Variants in FAM111B observed in about 807,000 individuals in gnomAD.
FAM111B encodes the protein serine protease FAM111B.
In FAM111B, 1 loss-of-function variant was observed where a neutral mutation model predicts 2.8. The observed-to-expected ratio is 0.36, with a 90% CI of 0.13 to 1.70. FAM111B has a LOEUF of 1.70. FAM111B is among the 40% of genes most tolerant of loss of function. The probability of loss-of-function intolerance (pLI) is 0.35; values close to 1 mark genes in which losing one functional copy is unlikely to be tolerated. For synonymous variants in FAM111B, 297 were observed against 295.6 expected (o/e 1.00, Z -0.05); for missense variants, 882 against 878.9 (o/e 1.00, Z -0.04).
chr11:59,123,540 A>G (rs183374104), intron 3 of FAM111B, among the ~76,000 whole-genome samples: 119 of 152,338 alleles, frequency 7.8e-4, no homozygotes, highest in African/African-American at 2.7e-3. Flanking sequence ...ATGTGCACAC[A>G]AAAATGTTAT....
rs1392919490 is a variant in FAM111B at position 59,115,584 on chromosome 11, C to T, written c.81+5878C>T. Among the ~76,000 whole-genome samples, 5 of 152,180 alleles carry T rather than the reference C, an allele frequency of 3.3e-5. 1 individual carries two copies. The South Asian group carries it at 8.3e-4, about 25-fold the overall frequency. On this transcript the variant is annotated intron_variant, in intron 3 of 3. Transcript: ENST00000343597. Reference sequence around the variant, plus strand: ...TGGAGTGAGAGTTCTCCAGATGGCTCCCCAAGGAGAGGTCTTTTTGCTGTT... The same window carrying T: ...TGGAGTGAGAGTTCTCCAGATGGCTTCCCAAGGAGAGGTCTTTTTGCTGTT...
At chr11:59,122,882 C>T (rs535681743) in intron 3 of FAM111B, among the ~76,000 whole-genome samples, 120 of 152,238 alleles carry the variant, frequency 7.9e-4, no homozygotes, top group African/African-American at 2.8e-3. Context: ...TGATCCAAGC[C>T]GAGCTGTACC....
At chr11:59,123,924 G>A (rs1280035009) in intron 3 of FAM111B, among the ~76,000 whole-genome samples, 1 of 152,026 alleles carries the variant, frequency 6.6e-6, no homozygotes, top group Non-Finnish European at 1.5e-5. Context: ...TAAGACCCTT[G>A]TTGAAAATCA....
intron 3 of FAM111B, 159 bp downstream of exon 3, chr11:59,109,865 G>A: frequency 4.8e-6 from 2 of 418,514 alleles, no homozygotes; most frequent in Non-Finnish European, 8.5e-6. Context: ...AGTGCTTGTG[G>A]AAAGCAAAAT....
In FAM111B at chr11:59,126,133, C is replaced by T. The variant is rs779014063; in HGVS notation, c.2036C>T (p.Ala679Val). 2 of 1,612,778 alleles carry T rather than the reference C, an allele frequency of 1.2e-6. No individual in the cohort carries two copies. Among genetic ancestry groups the T allele is most frequent in the Non-Finnish European group, 1.7e-6 (2 of 1,179,544 alleles). ...TATCAACGAGGATTTAATGTGCATG[C>T]CCTTATTGAATTTGGTTATTCTATG... ...LFYQRGFNVH[A>V]LIEFGYSMDS... The change falls in exon 4 of 4, where the codon GCC (alanine) becomes GTC (valine). Residue 679 changes from alanine (A) to valine (V), a missense_variant. Transcript: ENST00000343597.
At chr11:59,123,741 T>C (rs951961116) in intron 3 of FAM111B, among the ~76,000 whole-genome samples, 1 of 152,202 alleles carries the variant, frequency 6.6e-6, no homozygotes, top group African/African-American at 2.4e-5. Context: ...ACATGCATCA[T>C]AGTATTTAAG....
rs1415117280 is a variant in FAM111B at position 59,126,144 on chromosome 11, T to C, written c.2047T>C (p.Phe683Leu). The C allele has an allele frequency of 6.2e-7, 1 of 1,612,552 alleles. No homozygotes were observed. Among genetic ancestry groups the C allele is most frequent in the Non-Finnish European group, 8.5e-7 (1 of 1,179,512 alleles). The change falls in exon 4 of 4, where the codon TTT becomes CTT. Residue 683 changes from phenylalanine (F) to leucine (L), a missense_variant. Physicochemically the swap from Phe to Leu is conservative, Grantham distance 22 (BLOSUM62 0). Coordinates refer to ENST00000343597, the MANE Select transcript of FAM111B (RefSeq NM_198947.4). ...ATTTAATGTGCATGCCCTTATTGAATTTGGTTATTCTATGGATTCTATTCT... is the reference window on the plus strand; with the variant it reads ...ATTTAATGTGCATGCCCTTATTGAACTTGGTTATTCTATGGATTCTATTCT... ...RGFNVHALIE[F>L]GYSMDSILCD... is the part of the protein sequence containing the mutation.
chr11:59,110,990 G>T (rs1404033802), intron 3 of FAM111B, among the ~76,000 whole-genome samples: 1 of 152,180 alleles, frequency 6.6e-6, no homozygotes, highest in Non-Finnish European at 1.5e-5. Context: ...TGGTTCACAT[G>T]AGTGGACATT....
At position 59,126,046 on chromosome 11, in the gene FAM111B, C is replaced by T. The variant is rs2135405683; in HGVS notation, c.1949C>T (p.Ser650Leu). Residue 650 changes from serine (S) to leucine (L), a missense_variant, in exon 4 of 4, where the codon TCA (serine) becomes TTA (leucine). Ser to Leu is a moderately radical substitution (Grantham distance 145). Transcript: ENST00000343597. ...GATACTTGTTTCTCTGATGGGTCCT[C>T]AGGCTCCCCAGTGTTTAATGCATCT... ...SYDTCFSDGS[S>L]GSPVFNASGK... 6.2e-7 allele frequency: 1 copy of T among 1,613,878 alleles called. No homozygotes were observed. The highest frequency in any genetic ancestry group is 1.1e-5 in the South Asian group (1 of 91,068).
rs149521851 is a variant in FAM111B, at chr11:59,107,522, G to A, written c.-132+226G>A. Among the ~76,000 whole-genome samples, 875 of 152,286 alleles carry A rather than the reference G, an allele frequency of 5.7e-3. 8 individuals are homozygous for A. The highest frequency in any genetic ancestry group is 0.037 in the Middle Eastern group (11 of 294). Reference sequence around the variant, plus strand: ...CTGGGTGTTCCTGAATCTCGAGAGGGTCGTTTGACCCTGGTGGGTCCTTTC... The same window carrying A: ...CTGGGTGTTCCTGAATCTCGAGAGGATCGTTTGACCCTGGTGGGTCCTTTC... On this transcript the variant is annotated intron_variant, in intron 1 of 3. Transcript: ENST00000343597.
Position 59,124,303 on chromosome 11 carries a change from T to C in FAM111B, c.206T>C (p.Met69Thr), listed in dbSNP as rs1427684416. 6.2e-7 allele frequency: 1 copy of C among 1,613,756 alleles called. No homozygotes were observed. The highest frequency in any genetic ancestry group is 8.5e-7 in the Non-Finnish European group (1 of 1,179,836). Residue 69 changes from methionine to threonine, a missense_variant, in exon 4 of 4, where the codon ATG (methionine) becomes ACG (threonine). Coordinates refer to ENST00000343597, the MANE Select transcript of FAM111B (RefSeq NM_198947.4). ...EVNKHETALE[M>T]QNPNLNNKEC... ...AACAAGCATGAAACAGCCCTTGAAA[T>C]GCAGAATCCAAATTTGAACAATAAA...
intron 3 of FAM111B, among the ~76,000 whole-genome samples, chr11:59,117,074 C>T (rs976571792): frequency 3.3e-5 from 5 of 152,222 alleles, no homozygotes; most frequent in African/African-American, 7.2e-5. Flanking sequence ...AAACAAACTA[C>T]GTGCAGTTGC....
In FAM111B at chr11:59,112,977, G is replaced by T. The variant is rs192231056; in HGVS notation, c.81+3271G>T. Among the ~76,000 whole-genome samples the T allele has an allele frequency of 2.5e-3, 385 of 151,918 alleles. 1 individual carries two copies. Among genetic ancestry groups the T allele is most frequent in the South Asian group, 3.7e-3 (18 of 4,818 alleles). On this transcript the variant is annotated intron_variant, in intron 3 of 3. Coordinates refer to ENST00000343597, the MANE Select transcript of FAM111B (RefSeq NM_198947.4). ...CTTTTCATCCTTTTATTCCTGTTTC[G>T]GGAGGGAAAAGTTTTCAACTTTGAT...
At chr11:59,121,682 G>A (rs967507746) in intron 3 of FAM111B, among the ~76,000 whole-genome samples, 2 of 152,160 alleles carry the variant, frequency 1.3e-5, no homozygotes, top group African/African-American at 4.8e-5. Flanking sequence ...AGACACCCTT[G>A]TAGATGTGCA....
intron 3 of FAM111B, among the ~76,000 whole-genome samples, chr11:59,116,890 ACT>A (rs1354093282): frequency 6.6e-6 from 1 of 152,128 alleles, no homozygotes; most frequent in Non-Finnish European, 1.5e-5. Context: ...TCTCCAGTAG[ACT>A]CTGAACGTGA....
chr11:59,113,507 C>G (rs2135397277), intron 3 of FAM111B, among the ~76,000 whole-genome samples: 1 of 152,314 alleles, frequency 6.6e-6, no homozygotes, highest in African/African-American at 2.4e-5. Context: ...CATCATGCAG[C>G]TTTAAGATTG....
Position 59,124,633 on chromosome 11 carries a change from C to T in FAM111B, c.536C>T (p.Pro179Leu), listed in dbSNP as rs1590893933. The T allele has an allele frequency of 1.2e-6, 2 of 1,613,706 alleles. No individual in the cohort carries two copies. The change falls in exon 4 of 4, where the codon CCA becomes CTA. Residue 179 changes from proline to leucine, a missense_variant. Pro to Leu is a moderately conservative substitution (Grantham distance 98). Transcript: ENST00000343597. ...DGHILRQCEN[P>L]NMECILFHVV... Reference sequence around the variant, plus strand: ...CACATATTACGCCAATGTGAAAATCCAAACATGGAATGCATTCTTTTTCAT... The same window carrying T: ...CACATATTACGCCAATGTGAAAATCTAAACATGGAATGCATTCTTTTTCAT...
chr11:59,126,366 C>T lies in FAM111B; in HGVS notation c.*64C>T. The T allele has an allele frequency of 2.2e-6, 3 of 1,348,886 alleles. No homozygotes were observed. The highest frequency in any genetic ancestry group is 3.0e-6 in the Non-Finnish European group (3 of 1,004,074). 83.6% of individuals were successfully genotyped at this position (1,348,886 alleles called of 1,614,324 possible). On this transcript the variant is annotated 3_prime_UTR_variant, in exon 4 of 4. Transcript: ENST00000343597. Reference sequence around the variant, plus strand: ...CCTGGCAAAGATTTCATGACAAAGACACTTAAAGCAATTGCAACAAAAGTG... The same window carrying T: ...CCTGGCAAAGATTTCATGACAAAGATACTTAAAGCAATTGCAACAAAAGTG...
chr11:59,125,129 G>T lies in FAM111B; in HGVS notation c.1032G>T (p.Arg344Ser), dbSNP rs772644052. ...IKDKTRQTIP[R>S]IRNYYFCSLP... ...ATAAAACTCGCCAGACAATTCCCAG[G>T]ATTAGAAATTATTACTTTTGTAGTT... The change falls in exon 4 of 4, where the codon AGG becomes AGT. Residue 344 changes from arginine to serine, a missense_variant. Arg to Ser is a moderately radical substitution (Grantham distance 110). Coordinates refer to ENST00000343597, the MANE Select transcript of FAM111B (RefSeq NM_198947.4). 6.2e-7 allele frequency: 1 copy of T among 1,613,798 alleles called. No individual in the cohort carries two copies. Among genetic ancestry groups the T allele is most frequent in the South Asian group, 1.1e-5 (1 of 91,058 alleles).
Sources: allele counts gnomAD v4.1 joint callset (sites outside exome capture counted in the v4.1 genomes callset), GRCh38; gene constraint gnomAD v4.1.1; transcripts MANE v1.5; gene names NCBI Gene and HGNC (gene_info 2026-07-23, HGNC 2026-07-21).